CLIC5: variants seen among roughly 807,000 people sequenced by gnomAD.
CLIC5 encodes chloride intracellular channel protein 5.
Under a neutral mutation model 24.7 loss-of-function variants are expected in CLIC5, and 20 were observed. The ratio of observed to expected loss-of-function variants is 0.81; its 90% CI spans 0.57 to 1.18. The LOEUF (loss-of-function observed/expected upper bound fraction) is 1.18. CLIC5 is among the 50% of genes most tolerant of loss of function. The pLI is 0.00. For synonymous variants in CLIC5, 159 were observed against 135.6 expected, an observed-to-expected ratio of 1.17 and a Z score of -1.20; for missense variants, 341 against 326.1, an observed-to-expected ratio of 1.05 and a Z score of -0.35.
downstream of CLIC5, among the ~76,000 whole-genome samples, chr6:45,894,436 A>C (rs995152426): frequency 2.6e-5 from 4 of 152,194 alleles, no homozygotes; most frequent in Non-Finnish European, 5.9e-5. Flanking sequence ...AGTGACCTTA[A>C]GGGCTGAATA....
At chr6:45,895,380 G>A (rs553293608), downstream of CLIC5, among the ~76,000 whole-genome samples, 1 of 152,264 alleles carries the variant, frequency 6.6e-6, no homozygotes, top group East Asian at 1.9e-4. Context: ...AGCTTAGGTA[G>A]CTTTTCATTT....
In CLIC5 at chr6:45,914,421, G is replaced by A. The variant is rs1467755611; in HGVS notation, c.407-12C>T. ...GCCTCTTTCAAGAGCTGGCATGAAAGAGTAAAAGGGCCTTTATTCAAACTT... is the reference window on the plus strand; with the variant it reads ...GCCTCTTTCAAGAGCTGGCATGAAAAAGTAAAAGGGCCTTTATTCAAACTT... On this transcript the variant is annotated splice_polypyrimidine_tract_variant and intron_variant, in intron 4 of 5. Coordinates refer to ENST00000339561, the MANE Select transcript of CLIC5 (RefSeq NM_016929.5). 4 of 1,552,274 alleles carry A rather than the reference G, an allele frequency of 2.6e-6. No individual in the cohort carries two copies. Among genetic ancestry groups the A allele is most frequent in the Admixed American group, 3.6e-5 (2 of 55,402 alleles).
At chr6:45,971,095 T>C (rs903260440) in intron 1 of CLIC5, among the ~76,000 whole-genome samples, 2 of 152,216 alleles carry the variant, frequency 1.3e-5, no homozygotes, top group Non-Finnish European at 2.9e-5. Flanking sequence ...CTGTAAGTCT[T>C]AGAATTTGCT....
intron 1 of CLIC5, among the ~76,000 whole-genome samples, chr6:45,964,091 C>A (rs1764939537): frequency 1.3e-5 from 2 of 152,178 alleles, no homozygotes; most frequent in South Asian, 4.1e-4. Flanking sequence ...TCAACCTTCA[C>A]CATGCCTTGG....
intron 1 of CLIC5, among the ~76,000 whole-genome samples, chr6:46,075,619 C>T (rs150643668): frequency 1.5e-3 from 223 of 152,244 alleles, no homozygotes; most frequent in African/African-American, 5.2e-3. Flanking sequence ...TGCTCTAAGA[C>T]ATATTCCGCT....
chr6:45,946,831 G>T (rs1764304101), intron 3 of CLIC5, among the ~76,000 whole-genome samples: 1 of 152,218 alleles, frequency 6.6e-6, no homozygotes, highest in African/African-American at 2.4e-5. Context: ...ATACTTGATG[G>T]CCTCACCCTT....
upstream of CLIC5, chr6:46,018,830 C>CTG (rs532511603): frequency 8.7e-4 from 133 of 152,310 alleles, no homozygotes; most frequent in African/African-American, 3.0e-3. Flanking sequence ...ACATGCAAAT[C>CTG]TGTGTGACAT....
At chr6:45,973,217 G>A (rs541169212) in intron 1 of CLIC5, among the ~76,000 whole-genome samples, 9 of 152,110 alleles carry the variant, frequency 5.9e-5, no homozygotes, top group East Asian at 1.9e-4. Context: ...GTCAGATGTC[G>A]GACCCTACCT....
chr6:46,095,449 T>C, the CLIC5 span, among the ~76,000 whole-genome samples: 1 of 152,168 alleles, frequency 6.6e-6, no homozygotes, highest in Non-Finnish European at 1.5e-5. Flanking sequence ...TGAACATAAG[T>C]TGTTAGAAGC....
chr6:46,028,979 A>AC (rs1229259493), intron 1 of CLIC5, among the ~76,000 whole-genome samples: 3 of 150,432 alleles, frequency 2.0e-5, no homozygotes, highest in African/African-American at 7.4e-5. Flanking sequence ...TTCCTCCCCC[A>AC]CCCCCACTAA....
chr6:45,884,494 A>G (rs956731629), intron 6 of CLIC5, among the ~76,000 whole-genome samples: 1 of 152,154 alleles, frequency 6.6e-6, no homozygotes, highest in African/African-American at 2.4e-5. Context: ...AGGAAAGACA[A>G]TTCTCCTGGG....
chr6:46,117,183 T>C, the CLIC5 span, among the ~76,000 whole-genome samples: 84 of 152,292 alleles, frequency 5.5e-4, no homozygotes, highest in African/African-American at 1.9e-3. Context: ...AGTGTCCCCA[T>C]GGTGTCCTGT....
chr6:45,954,322 T>C (rs1435789130), intron 2 of CLIC5, among the ~76,000 whole-genome samples: 1 of 134,156 alleles, frequency 7.5e-6, no homozygotes, highest in Non-Finnish European at 1.6e-5. Flanking sequence ...AAAAAAGGAG[T>C]TCAAGAAGAG....
chr6:46,039,459 C>T (rs1340509376), intron 1 of CLIC5, among the ~76,000 whole-genome samples: 1 of 151,634 alleles, frequency 6.6e-6, no homozygotes, highest in South Asian at 2.1e-4. Flanking sequence ...GGTCATGGTG[C>T]AGAGACGGCA....
chr6:46,104,142 A>T, the CLIC5 span, among the ~76,000 whole-genome samples: 1 of 152,158 alleles, frequency 6.6e-6, no homozygotes, highest in African/African-American at 2.4e-5. Flanking sequence ...ACTTTTTGGT[A>T]TGCATATTCA....
At chr6:46,069,555 T>C (rs545997672) in intron 1 of CLIC5, among the ~76,000 whole-genome samples, 1 of 151,104 alleles carries the variant, frequency 6.6e-6, no homozygotes. Context: ...GTTCCAAAAT[T>C]GAATCGGTAA....
Position 45,949,368 on chromosome 6 carries a change from G to T in CLIC5, c.187C>A (p.Leu63Met). Reference protein sequence around the residue: ...TVDLKRKPADLHNLAPGTHPP... With the variant: ...TVDLKRKPADMHNLAPGTHPP... ...TGCGTGCCGGGGGCTAGGTTGTGCA[G>T]GTCAGCTGGCTTTCTGTAGAGAGAG... The change falls in exon 3 of 6, where the codon CTG becomes ATG. Residue 63 changes from leucine to methionine, a missense_variant. Transcript: ENST00000339561. 1 of 1,613,496 alleles carries T rather than the reference G, an allele frequency of 6.2e-7. No individual in the cohort carries two copies. The highest frequency in any genetic ancestry group is 8.5e-7 in the Non-Finnish European group (1 of 1,179,650).
chr6:46,078,621 AG>A (rs1207689745), intron 1 of CLIC5, among the ~76,000 whole-genome samples: 1 of 152,206 alleles, frequency 6.6e-6, no homozygotes, highest in African/African-American at 2.4e-5. Context: ...CTTAAGAGCA[AG>A]GGCCTTGTCT....
In CLIC5 at chr6:45,999,777, C is replaced by G. The variant is rs1378345945; in HGVS notation, c.63+15703G>C. Among the ~76,000 whole-genome samples the G allele has an allele frequency of 2.5e-4, 5 of 19,718 alleles. 2 individuals carry two copies. The highest frequency in any genetic ancestry group is 1.3e-3 in the African/African-American group (5 of 3,786). 12.9% of individuals were successfully genotyped at this position (19,718 alleles called of 152,430 possible). ...TTTTTGAGACGGAGTCTCGCTCTGT[C>G]GCCCAGGCAGGACTGCGGACTGCAG... is the stretch of plus-strand genomic sequence containing the variant. On this transcript the variant is annotated intron_variant, in intron 1 of 5. Transcript: ENST00000339561.
Sources: allele counts gnomAD v4.1 joint callset (sites outside exome capture counted in the v4.1 genomes callset), GRCh38; gene constraint gnomAD v4.1.1; transcripts MANE v1.5; gene names NCBI Gene and HGNC (gene_info 2026-07-23, HGNC 2026-07-21).